UBR2: variants seen among roughly 807,000 people sequenced by gnomAD.
UBR2 encodes the protein ubiquitin protein ligase E3 component n-recognin 2, also known as E3 ubiquitin-protein ligase UBR2.
A neutral mutation model predicts 247.9 loss-of-function variants in UBR2; 92 were observed. The ratio of observed to expected loss-of-function variants is 0.37; its 90% CI spans 0.31 to 0.44. The LOEUF is 0.44. UBR2 is among the 20% of genes least tolerant of loss of function. The pLI is 1.00. For missense variants in UBR2, 1,613 were observed against 2,112.6 expected (o/e 0.76, Z 4.64); for synonymous variants, 672 against 693.5 (o/e 0.97, Z 0.49).
At chr6:42,667,610 T>TC (rs1309006015) in intron 34 of UBR2, among the ~76,000 whole-genome samples, 1 of 142,882 alleles carries the variant, frequency 7.0e-6, no homozygotes, top group Non-Finnish European at 1.5e-5. Flanking sequence ...TTTTTTTTTT[T>TC]TGAGATGGAA....
chr6:42,678,470 G>T, intron 40 of UBR2, 69 bp from the exon 41 acceptor site: 1 of 1,513,798 alleles, frequency 6.6e-7, no homozygotes. Context: ...AGTCAAGTCT[G>T]TTTTCACACT....
chr6:42,586,202 CAA>C (rs549288196), intron 2 of UBR2, among the ~76,000 whole-genome samples: 2 of 140,030 alleles, frequency 1.4e-5, no homozygotes, highest in African/African-American at 2.6e-5. Context: ...CCATCTCTAC[CAA>C]AAAAAAAAAA....
intron 26 of UBR2, among the ~76,000 whole-genome samples, chr6:42,656,106 C>T (rs1797424642): frequency 6.6e-6 from 1 of 152,064 alleles, no homozygotes; most frequent in Non-Finnish European, 1.5e-5. Context: ...AAAGAATTGT[C>T]CAGTAAACAT....
In UBR2 at chr6:42,564,563, CCT is replaced by C. The variant is rs201583420; in HGVS notation, c.78+171_78+172del. On this transcript the variant is annotated intron_variant, in intron 1 of 46. Coordinates refer to ENST00000372901, the MANE Select transcript of UBR2 (RefSeq NM_001363705.2). Reference sequence around the variant, plus strand: ...GCCCGGGGAGGCCACCGATCCTGCCCCTCTCTTTCCATTTTCAACAGCTGCCA... The same window carrying C: ...GCCCGGGGAGGCCACCGATCCTGCCCCTCTTTCCATTTTCAACAGCTGCCA... 6.6e-3 allele frequency among the ~76,000 whole-genome samples: 1,005 copies of C among 152,256 alleles called. 9 individuals are homozygous for C. The highest frequency in any genetic ancestry group is 0.023 in the African/African-American group (972 of 41,540).
chr6:42,652,767 ATAT>A, intron 25 of UBR2, 122 bp downstream of exon 25: 2 of 904,312 alleles, frequency 2.2e-6, no homozygotes, highest in Non-Finnish European at 3.3e-6. Flanking sequence ...TAACTTGAAT[ATAT>A]TGTTACTGCT....
chr6:42,651,870 G>C (rs1582649014), intron 23 of UBR2, among the ~76,000 whole-genome samples, 153 bp from the exon 24 acceptor site: 1 of 152,098 alleles, frequency 6.6e-6, no homozygotes, highest in African/African-American at 2.4e-5. Context: ...CCAGCACTTT[G>C]GGAGGTTGAG....
At chr6:42,670,401 A>G (rs1377979487) in intron 35 of UBR2, among the ~76,000 whole-genome samples, 161 bp downstream of exon 35, 1 of 152,224 alleles carries the variant, frequency 6.6e-6, no homozygotes, top group African/African-American at 2.4e-5. Flanking sequence ...ACAAAATACT[A>G]GATTGATAGT....
intron 36 of UBR2, among the ~76,000 whole-genome samples, chr6:42,671,540 C>A (rs887675704): frequency 1.3e-5 from 2 of 152,186 alleles, no homozygotes; most frequent in Non-Finnish European, 2.9e-5. Context: ...TATGAAATAT[C>A]TCTTTCCAAG....
At chr6:42,604,768 T>A (rs1343427068) in intron 5 of UBR2, among the ~76,000 whole-genome samples, 4 of 152,188 alleles carry the variant, frequency 2.6e-5, no homozygotes, top group Non-Finnish European at 5.9e-5. Flanking sequence ...GGCTCATGCC[T>A]GTGATCCTAG....
At chr6:42,631,860 TTATATATA>T (rs59218885) in intron 11 of UBR2, among the ~76,000 whole-genome samples, 2,099 of 61,494 alleles carry the variant, frequency 0.034, 96 homozygotes, top group African/African-American at 0.095. Flanking sequence ...TACTCTGATT[TTATATATA>T]TATATATATA....
chr6:42,646,820 TAGAGAGAGAG>T (rs765967046), intron 21 of UBR2, among the ~76,000 whole-genome samples: 5 of 146,576 alleles, frequency 3.4e-5, no homozygotes, highest in Non-Finnish European at 7.4e-5. Flanking sequence ...TATATATATA[TAGAGAGAGAG>T]AGAGAGAGAG....
At chr6:42,625,050 A>G (rs1485008834) in intron 11 of UBR2, among the ~76,000 whole-genome samples, 1 of 152,164 alleles carries the variant, frequency 6.6e-6, no homozygotes, top group African/African-American at 2.4e-5. Flanking sequence ...CAGAATGACC[A>G]AGGACAGCTT....
chr6:42,576,575 G>C (rs1791531061), intron 2 of UBR2, among the ~76,000 whole-genome samples: 1 of 145,816 alleles, frequency 6.9e-6, no homozygotes, highest in Admixed American at 7.0e-5. Context: ...CGTAGCCCAG[G>C]CTGGATTGTA....
At chr6:42,568,242 A>G (rs1207929665) in intron 1 of UBR2, among the ~76,000 whole-genome samples, 1 of 152,094 alleles carries the variant, frequency 6.6e-6, no homozygotes, top group Non-Finnish European at 1.5e-5. Context: ...ATTTTGGGAC[A>G]TTTTTATCAC....
At chr6:42,635,271 C>A in intron 13 of UBR2, 147 bp from the exon 14 acceptor site, 1 of 685,528 alleles carries the variant, frequency 1.5e-6, no homozygotes, top group Non-Finnish European at 2.4e-6. Flanking sequence ...GCTATTATTT[C>A]TCATAGTACT....
At chr6:42,608,090 C>T (rs537851933) in intron 7 of UBR2, among the ~76,000 whole-genome samples, 39 of 152,188 alleles carry the variant, frequency 2.6e-4, no homozygotes, top group Non-Finnish European at 5.4e-4. Flanking sequence ...GACAAATACT[C>T]CCGTTATGGG....
At chr6:42,653,799 T>C (rs560364046) in intron 25 of UBR2, among the ~76,000 whole-genome samples, 1 of 151,998 alleles carries the variant, frequency 6.6e-6, no homozygotes, top group African/African-American at 2.4e-5. Context: ...GTATTTTTAG[T>C]AGAGACAGGG....
chr6:42,586,399 A>G (rs1792261614), intron 2 of UBR2, among the ~76,000 whole-genome samples: 1 of 152,174 alleles, frequency 6.6e-6, no homozygotes, highest in Admixed American at 6.5e-5. Context: ...GTTCGGCAAC[A>G]TGGTCAGTCT....
chr6:42,572,639 C>T (rs986010162), intron 1 of UBR2, among the ~76,000 whole-genome samples: 1 of 151,474 alleles, frequency 6.6e-6, no homozygotes, highest in Non-Finnish European at 1.5e-5. Context: ...TTTTTCAACT[C>T]ACTTCCCCTT....
Sources: gnomAD v4.1 joint callset for allele counts (sites outside exome capture counted in the v4.1 genomes callset) on GRCh38, gnomAD v4.1.1 for gene constraint, MANE v1.5 for transcripts, NCBI Gene and HGNC (gene_info 2026-07-23, HGNC 2026-07-21) for gene names.